Variants in ARHGEF11 observed in about 807,000 individuals in gnomAD.
The protein encoded by ARHGEF11 is Rho guanine nucleotide exchange factor 11, also known as Rho guanine exchange factor (GEF) 11.
In ARHGEF11, 55 loss-of-function variants were observed where a neutral mutation model predicts 193.7. The observed-to-expected ratio is 0.28, with a 90% confidence interval of 0.23 to 0.36. The LOEUF is 0.36. Ranked by LOEUF, ARHGEF11 falls within the 10% of genes least tolerant of loss-of-function variation. The pLI, the probability that ARHGEF11 is intolerant of heterozygous loss-of-function variation, is 1.00. For synonymous variants in ARHGEF11, 693 were observed against 768.0 expected, an observed-to-expected ratio of 0.90 and a Z score of 1.62; for missense variants, 1,723 against 2,005.6, an observed-to-expected ratio of 0.86 and a Z score of 2.69.
intron 5 of ARHGEF11, 36 bp from the exon 6 acceptor site, chr1:156,978,418 G>A (rs375476202): frequency 1.4e-5 from 22 of 1,555,326 alleles, no homozygotes; most frequent in Non-Finnish European, 1.8e-5. Context: ...TTCCAGGAGT[G>A]CTGTTCTGGA....
Position 156,978,227 on chromosome 1 carries a change from T to C in ARHGEF11, c.487A>G (p.Ile163Val). 2 of 1,614,122 alleles carry C rather than the reference T, an allele frequency of 1.2e-6. No homozygotes were observed. Among genetic ancestry groups the C allele is most frequent in the East Asian group, 2.2e-5 (1 of 44,878 alleles). The change falls in exon 6 of 41, where the codon ATC becomes GTC. Residue 163 changes from isoleucine (I) to valine (V), a missense_variant. Around this residue, in one of 5 missense-constraint regions of ARHGEF11, gnomAD observed 646 missense variants for 710.7 expected, o/e 0.91. Coordinates refer to ENST00000368194, the MANE Select transcript of ARHGEF11 (RefSeq NM_198236.3). Reference protein sequence around the residue: ...PPPPLPPPQRITGPKPLQDPE... With the variant: ...PPPPLPPPQRVTGPKPLQDPE... ...ACCTGCAGAGGTTTGGGTCCTGTGA[T>C]GCGTTGTGGAGGTGGTAGAGGTGGA...
In ARHGEF11 at chr1:156,978,322, C is replaced by T. The variant is rs1663565463; in HGVS notation, c.392G>A (p.Gly131Glu). ...TGCTGGGGATGGGTCCTGCTGGAGC[C>T]CAGAGATGCCCATGGATGAAGGTGA... ...GSSPSSMGIS[G>E]LQQDPSPAGA... Residue 131 changes from glycine to glutamate, a missense_variant, in exon 6 of 41, where the codon GGG becomes GAG. Coordinates refer to ENST00000368194, the MANE Select transcript of ARHGEF11 (RefSeq NM_198236.3). The T allele has an allele frequency of 1.2e-6, 2 of 1,613,666 alleles. No homozygotes were observed. Among genetic ancestry groups the T allele is most frequent in the Non-Finnish European group, 1.7e-6 (2 of 1,179,872 alleles).
intron 1 of ARHGEF11, among the ~76,000 whole-genome samples, chr1:157,040,408 A>T (rs1019565851): frequency 6.6e-6 from 1 of 152,214 alleles, no homozygotes; most frequent in Non-Finnish European, 1.5e-5. Context: ...CTGGGTCTAG[A>T]TTTATTTTGA....
chr1:156,967,775 T>C (rs1461219816), intron 11 of ARHGEF11: 8 of 638,594 alleles, frequency 1.3e-5, no homozygotes, highest in Non-Finnish European at 1.9e-5. Flanking sequence ...ACTCTCCACA[T>C]AGAAATGGAG....
Position 156,948,529 on chromosome 1 carries a change from T to C in ARHGEF11, c.1926-31A>G, listed in dbSNP as rs201011403. The C allele has an allele frequency of 8.7e-6, 14 of 1,614,130 alleles. No individual in the cohort carries two copies. In the African/African-American group the frequency reaches 1.3e-4, roughly 15 times the overall value. On this transcript the variant is annotated intron_variant, in intron 22 of 40. Coordinates refer to ENST00000368194, the MANE Select transcript of ARHGEF11 (RefSeq NM_198236.3). This position sits in a 1 kb window ranked among gnomAD's most constrained non-coding sequence, Gnocchi z 4.2. ...GGGAAGGGACAAAAGACTTTGGGAC[T>C]TGGGAAGTCAGTGGGCCATGCTTAC...
chr1:156,940,733 C>T (rs1218826149), intron 35 of ARHGEF11, among the ~76,000 whole-genome samples: 2 of 152,114 alleles, frequency 1.3e-5, no homozygotes, highest in African/African-American at 4.8e-5. Context: ...AACAACAGGG[C>T]ATGGGGCTAG....
At chr1:157,046,292 C>G (rs991864128), upstream of ARHGEF11, among the ~76,000 whole-genome samples, 2 of 151,920 alleles carry the variant, frequency 1.3e-5, no homozygotes, top group Non-Finnish European at 2.9e-5. Flanking sequence ...TGCTTTTCCC[C>G]CTTTTATTGA....
At chr1:156,995,796 G>A (rs1314542181) in intron 1 of ARHGEF11, among the ~76,000 whole-genome samples, 1 of 151,154 alleles carries the variant, frequency 6.6e-6, no homozygotes, top group African/African-American at 2.4e-5. Flanking sequence ...CTCAGCCTCA[G>A]CCTCCCAACG....
At chr1:156,960,587 C>T (rs1396730318) in intron 14 of ARHGEF11, 127 bp from the exon 15 acceptor site, 2 of 785,932 alleles carry the variant, frequency 2.5e-6, no homozygotes, top group Non-Finnish European at 4.2e-6. Flanking sequence ...TGCCTACCAT[C>T]CTTCTCATCA....
chr1:157,046,900 A>G (rs368218918), upstream of ARHGEF11, among the ~76,000 whole-genome samples: 4 of 146,008 alleles, frequency 2.7e-5, no homozygotes, highest in African/African-American at 8.4e-5. Flanking sequence ...AATCCCAGCT[A>G]CTCGGTAGGC....
chr1:157,007,331 G>A (rs758416510), intron 1 of ARHGEF11, among the ~76,000 whole-genome samples: 67 of 152,104 alleles, frequency 4.4e-4, no homozygotes, highest in Admixed American at 1.1e-3. Flanking sequence ...GCAAAAGAGA[G>A]TAAGAAGCAT....
chr1:156,979,040 T>C (rs562077603), intron 5 of ARHGEF11, among the ~76,000 whole-genome samples, 189 bp downstream of exon 5: 7 of 152,368 alleles, frequency 4.6e-5, no homozygotes, highest in African/African-American at 1.7e-4. Flanking sequence ...CTGTCTCCAC[T>C]TGAAGTAATA....
Position 156,963,287 on chromosome 1 carries a change from C to G in ARHGEF11, c.1056G>C (p.Gln352His). 4 of 1,614,074 alleles carry G rather than the reference C, an allele frequency of 2.5e-6. No individual in the cohort carries two copies. The highest frequency in any genetic ancestry group is 3.4e-6 in the Non-Finnish European group (4 of 1,180,002). ...YFNNESDIIFQDLEKLKSRPA... is the reference protein window; with the variant it reads ...YFNNESDIIFHDLEKLKSRPA... ...GCCGAGACTTCAGTTTCTCCAGATC[C>G]TGGAATATGATGTCGCTCTGGAAGG... The change falls in exon 13 of 41, where the codon CAG becomes CAC. Residue 352 changes from glutamine to histidine, a missense_variant. Transcript: ENST00000368194.
intron 6 of ARHGEF11, 54 bp from the exon 7 acceptor site, chr1:156,977,108 G>A: frequency 6.8e-7 from 1 of 1,469,000 alleles, no homozygotes; most frequent in Non-Finnish European, 9.5e-7. Flanking sequence ...CAACAGCTTA[G>A]CTCTCTTCTA....
chr1:156,979,361 CTTT>C (rs36031299), intron 4 of ARHGEF11, 75 bp from the exon 5 acceptor site: 7,340 of 502,604 alleles, frequency 0.015, no homozygotes, highest in East Asian at 0.02. Flanking sequence ...CAAAATGCCA[CTTT>C]TTTTTTTTTT....
At position 157,044,717 on chromosome 1, in the gene ARHGEF11, C is replaced by G. The variant is rs1673155712; in HGVS notation, c.-387G>C. On this transcript the variant is annotated 5_prime_UTR_variant, in exon 1 of 41. Coordinates refer to ENST00000368194, the MANE Select transcript of ARHGEF11 (RefSeq NM_198236.3). ...GCCTTCAAAATATCACTGTTAACTGCAAAGTACAGATAAAACCATCCTTTA... is the reference window on the plus strand; with the variant it reads ...GCCTTCAAAATATCACTGTTAACTGGAAAGTACAGATAAAACCATCCTTTA... 1 of 420,642 alleles carries G rather than the reference C, an allele frequency of 2.4e-6. No homozygotes were observed. Among genetic ancestry groups the G allele is most frequent in the Admixed American group, 4.0e-5 (1 of 25,306 alleles). The allele number at this position is 420,642 out of a possible 1,614,324, so 26.1% of individuals were successfully genotyped here. A position where few individuals can be genotyped will look rare whatever the true frequency, so the allele number is the denominator to read the frequency against.
At chr1:156,965,658 T>G (rs181059749) in intron 11 of ARHGEF11, among the ~76,000 whole-genome samples, 26 of 152,346 alleles carry the variant, frequency 1.7e-4, no homozygotes, top group Admixed American at 1.6e-3. Context: ...TTGTCATCTT[T>G]TTTAAATTCT....
intron 1 of ARHGEF11, among the ~76,000 whole-genome samples, chr1:157,000,107 C>T (rs1018591376): frequency 2.0e-5 from 3 of 152,236 alleles, no homozygotes; most frequent in East Asian, 1.9e-4. Context: ...GGAATTAGAG[C>T]GTGTGTCAAC....
intron 37 of ARHGEF11, 153 bp from the exon 38 acceptor site, chr1:156,938,666 A>C (rs1656066046): frequency 1.6e-6 from 1 of 614,422 alleles, no homozygotes; most frequent in Non-Finnish European, 2.8e-6. Context: ...ACACGATGAC[A>C]TCCCAGGCAG....
Sources: allele counts gnomAD v4.1 joint callset (sites outside exome capture counted in the v4.1 genomes callset), GRCh38; gene constraint gnomAD v4.1.1; regional missense constraint gnomAD v4.1.1; non-coding constraint Gnocchi (gnomAD v3.1); transcripts MANE v1.5; gene names NCBI Gene and HGNC (gene_info 2026-07-23, HGNC 2026-07-21).